LHFPL3: variants seen among roughly 807,000 people sequenced by gnomAD.
The protein encoded by LHFPL3 is LHFPL tetraspan subfamily member 3 protein.
Under a neutral mutation model 19.3 loss-of-function variants are expected in LHFPL3, and 5 were observed. The observed-to-expected ratio is 0.26, with a 90% CI of 0.14 to 0.54. LHFPL3 has a LOEUF of 0.54. Ranked by LOEUF, LHFPL3 falls within the 20% of genes least tolerant of loss-of-function variation. LHFPL3 has a pLI of 0.94. For missense variants in LHFPL3, 249 were observed against 307.4 expected (o/e 0.81, Z 1.42); for synonymous variants, 133 against 126.2 (o/e 1.05, Z -0.36).
chr7:104,560,404 C>T (rs369410747), intron 1 of LHFPL3, among the ~76,000 whole-genome samples: 29,325 of 144,572 alleles, frequency 0.2, 2,432 homozygotes, highest in Middle Eastern at 0.29. Context: ...CTGGTTTAGT[C>T]TTGGGAGAGT....
At chr7:104,540,668 T>G (rs1794468546) in intron 1 of LHFPL3, among the ~76,000 whole-genome samples, 1 of 152,216 alleles carries the variant, frequency 6.6e-6, no homozygotes, top group African/African-American at 2.4e-5. Flanking sequence ...TCAGGCATTC[T>G]CACATATAGT....
intron 1 of LHFPL3, among the ~76,000 whole-genome samples, chr7:104,405,347 G>A (rs182882843): frequency 1.2e-4 from 18 of 151,980 alleles, no homozygotes; most frequent in Admixed American, 5.9e-4. Context: ...ATGTAAAATC[G>A]GTCAGAAATA....
chr7:104,389,387 A>G (rs1584285959), intron 1 of LHFPL3, among the ~76,000 whole-genome samples: 1 of 152,206 alleles, frequency 6.6e-6, no homozygotes, highest in East Asian at 1.9e-4. Flanking sequence ...AATAATTGGA[A>G]AGGCAATTCA....
At chr7:104,568,408 A>G in intron 1 of LHFPL3, among the ~76,000 whole-genome samples, 2 of 152,324 alleles carry the variant, frequency 1.3e-5, no homozygotes, top group Middle Eastern at 6.8e-3. Context: ...TACTTATATT[A>G]TGGTATGTAC....
At chr7:104,493,559 G>A (rs1250100968) in intron 1 of LHFPL3, among the ~76,000 whole-genome samples, 1 of 151,888 alleles carries the variant, frequency 6.6e-6, no homozygotes, top group Non-Finnish European at 1.5e-5. Context: ...ACTTATGTCA[G>A]CCTCTCCTGC....
intron 1 of LHFPL3, among the ~76,000 whole-genome samples, chr7:104,367,318 A>C (rs1260750406): frequency 2.0e-5 from 3 of 152,198 alleles, no homozygotes; most frequent in Non-Finnish European, 4.4e-5. Context: ...TTTGGACTGT[A>C]AACATCAGGG....
At chr7:104,443,410 C>T (rs1162858552) in intron 1 of LHFPL3, among the ~76,000 whole-genome samples, 1 of 152,166 alleles carries the variant, frequency 6.6e-6, no homozygotes, top group Admixed American at 6.5e-5. Context: ...CCTGTGAGCT[C>T]TGATTATTGT....
chr7:104,792,354 G>A (rs965725005), intron 2 of LHFPL3, among the ~76,000 whole-genome samples: 1 of 152,210 alleles, frequency 6.6e-6, no homozygotes, highest in Admixed American at 6.5e-5. Flanking sequence ...GCCATAGCAA[G>A]TGTCTCACCC....
intron 1 of LHFPL3, among the ~76,000 whole-genome samples, chr7:104,384,787 CAAAAAAAAA>C (rs771136918): frequency 2.7e-5 from 2 of 74,564 alleles, no homozygotes; most frequent in Non-Finnish European, 5.2e-5. Context: ...AACTCTATTT[CAAAAAAAAA>C]AAAAAAAAAA....
chr7:104,782,614 A>G (rs1286745440), intron 2 of LHFPL3, among the ~76,000 whole-genome samples: 7 of 152,220 alleles, frequency 4.6e-5, no homozygotes, highest in Non-Finnish European at 1.5e-5. Context: ...TCCACAGTGA[A>G]GCCAGAACAA....
chr7:104,901,086 C>T (rs1194130807), intron 2 of LHFPL3, among the ~76,000 whole-genome samples: 1 of 152,198 alleles, frequency 6.6e-6, no homozygotes, highest in Non-Finnish European at 1.5e-5. Context: ...AAATTGTCCT[C>T]GTGTCTCACG....
chr7:104,358,020 AT>A (rs535434536), intron 1 of LHFPL3, among the ~76,000 whole-genome samples: 20 of 152,288 alleles, frequency 1.3e-4, no homozygotes, highest in Admixed American at 6.5e-4. Flanking sequence ...AATATAAACA[AT>A]GGGATCAGGC....
intron 2 of LHFPL3, among the ~76,000 whole-genome samples, chr7:104,797,334 G>T (rs904039330): frequency 6.6e-6 from 1 of 152,180 alleles, no homozygotes; most frequent in African/African-American, 2.4e-5. Context: ...TGTGAGACTT[G>T]TTGCAGTCAA....
chr7:104,758,245 A>G (rs1167983116), intron 2 of LHFPL3, among the ~76,000 whole-genome samples: 1 of 152,180 alleles, frequency 6.6e-6, no homozygotes, highest in African/African-American at 2.4e-5. Flanking sequence ...ATTGGGTACT[A>G]TACTCACTAC....
chr7:104,440,651 A>G (rs781025528), intron 1 of LHFPL3, among the ~76,000 whole-genome samples: 12 of 152,206 alleles, frequency 7.9e-5, no homozygotes, highest in Non-Finnish European at 1.5e-4. Flanking sequence ...TAGGTTAGCC[A>G]TATGAAATTG....
At chr7:104,402,848 A>T (rs762351062) in intron 1 of LHFPL3, among the ~76,000 whole-genome samples, 2 of 152,258 alleles carry the variant, frequency 1.3e-5, no homozygotes, top group Non-Finnish European at 2.9e-5. Flanking sequence ...ACCTGTACAG[A>T]TGGTGGCTGT....
At chr7:104,583,698 C>T (rs891397738) in intron 1 of LHFPL3, among the ~76,000 whole-genome samples, 2 of 151,996 alleles carry the variant, frequency 1.3e-5, no homozygotes, top group African/African-American at 4.8e-5. Context: ...CCAAAAAACA[C>T]ATGAAAAAAT....
intron 1 of LHFPL3, among the ~76,000 whole-genome samples, chr7:104,655,382 C>T (rs1016857230): frequency 1.2e-4 from 19 of 152,128 alleles, no homozygotes; most frequent in African/African-American, 4.3e-4. Flanking sequence ...TGAATAGGTG[C>T]ATTGACAATG....
intron 1 of LHFPL3, among the ~76,000 whole-genome samples, chr7:104,341,078 C>G (rs373025215): frequency 6.6e-6 from 1 of 152,212 alleles, no homozygotes; most frequent in East Asian, 1.9e-4. Context: ...TATTCTCCAT[C>G]TCTAATAACA....
Sources: allele counts gnomAD v4.1 joint callset (sites outside exome capture counted in the v4.1 genomes callset), GRCh38; gene constraint gnomAD v4.1.1; transcripts MANE v1.5; gene names NCBI Gene and HGNC (gene_info 2026-07-23, HGNC 2026-07-21).